Variants in TMEM151B observed in about 807,000 individuals in gnomAD.
The protein encoded by TMEM151B is transmembrane protein 193.
Under a neutral mutation model 33.0 loss-of-function variants are expected in TMEM151B, and 18 were observed. The ratio of observed to expected loss-of-function variants is 0.55; its 90% confidence interval spans 0.38 to 0.81. The LOEUF (loss-of-function observed/expected upper bound fraction) is 0.81. TMEM151B is among the 30% of genes least tolerant of loss of function. The pLI, the probability that TMEM151B is intolerant of heterozygous loss-of-function variation, is 0.00. For missense variants in TMEM151B, 672 were observed against 843.4 expected, an observed-to-expected ratio of 0.80 and a Z score of 2.52; for synonymous variants, 354 against 373.6, an observed-to-expected ratio of 0.95 and a Z score of 0.61.
In TMEM151B at chr6:44,273,179, CG is replaced by C. The variant is rs1782433201; in HGVS notation, c.250del (p.Val84SerfsTer4). The C allele has an allele frequency of 6.5e-7, 1 of 1,547,856 alleles. No homozygotes were observed. The highest frequency in any genetic ancestry group is 8.7e-7 in the Non-Finnish European group (1 of 1,144,196). On this transcript the variant is annotated frameshift_variant, in exon 2 of 3. Transcript: ENST00000451188. LOFTEE classifies it high-confidence loss of function. ...GCLGAVAWCH[V>X]TTVTRLTFSS... ...GCCTGGGGGCAGTGGCCTGGTGCCA[CG>C]TCACCACAGTGACGCGCCTCACCTT... is the stretch of plus-strand genomic sequence containing the variant.
At position 44,275,386 on chromosome 6, in the gene TMEM151B, T is replaced by G; in HGVS notation, c.577-17T>G. The G allele has an allele frequency of 6.8e-7, 1 of 1,481,046 alleles. No individual in the cohort carries two copies. The highest frequency in any genetic ancestry group is 1.4e-5 in the African/African-American group (1 of 71,296). 91.7% of individuals were successfully genotyped at this position (1,481,046 alleles called of 1,614,324 possible). ...ACGGGCTCCCCGCGACCCCGCCGCC[T>G]GCCCCCCGCGCCGCAGGTCTACCAC... On this transcript the variant is annotated splice_polypyrimidine_tract_variant and intron_variant, in intron 2 of 2. Coordinates refer to ENST00000451188, the MANE Select transcript of TMEM151B (RefSeq NM_001137560.2).
Position 44,275,666 on chromosome 6 carries a change from C to T in TMEM151B, c.840C>T (p.Phe280=), listed in dbSNP as rs1409762624. ...GCATGCACCTCAAGAACGTGGACTTCCGTGAGTTCATGGTGGCCTTCCCGG... is the reference window on the plus strand; with the variant it reads ...GCATGCACCTCAAGAACGTGGACTTTCGTGAGTTCATGGTGGCCTTCCCGG... ...REGMHLKNVD[F]REFMVAFPDP... The change falls in exon 3 of 3, where the codon TTC becomes TTT. Residue 280 remains phenylalanine, a synonymous_variant. Coordinates refer to ENST00000451188, the MANE Select transcript of TMEM151B (RefSeq NM_001137560.2). 7 of 1,551,214 alleles carry T rather than the reference C, an allele frequency of 4.5e-6. No individual in the cohort carries two copies. The highest frequency in any genetic ancestry group is 3.5e-6 in the Non-Finnish European group (4 of 1,146,740).
At position 44,273,459 on chromosome 6, in the gene TMEM151B, C is replaced by T. The variant is rs759541608; in HGVS notation, c.529C>T (p.Arg177Cys). 2.6e-6 allele frequency: 4 copies of T among 1,550,768 alleles called. No homozygotes were observed. The highest frequency in any genetic ancestry group is 2.4e-5 in the East Asian group (1 of 40,930). Reference protein sequence around the residue: ...AISYHYVRRTRQVTRYRNGDA... With the variant: ...AISYHYVRRTCQVTRYRNGDA... ...CAGCTACCACTATGTCCGCCGCACC[C>T]GCCAGGTCACCAGATACCGCAATGG... Residue 177 changes from arginine (R) to cysteine (C), a missense_variant, in exon 2 of 3, where the codon CGC becomes TGC. Arg to Cys is a radical substitution (Grantham distance 180). Around this residue, in one of 3 missense-constraint regions of TMEM151B, gnomAD observed 285 missense variants for 423.1 expected, o/e 0.67. Coordinates refer to ENST00000451188, the MANE Select transcript of TMEM151B (RefSeq NM_001137560.2).
Position 44,275,737 on chromosome 6 carries a change from C to T in TMEM151B, c.911C>T (p.Ala304Val), listed in dbSNP as rs1782557111. ...PWYACSSAFWAAALLTLSWPL... is the reference protein window; with the variant it reads ...PWYACSSAFWVAALLTLSWPL... ...TACGCCTGCTCGTCGGCCTTCTGGG[C>T]CGCGGCGCTGCTCACGCTGTCGTGG... The change falls in exon 3 of 3, where the codon GCC becomes GTC. Residue 304 changes from alanine to valine, a missense_variant. Physicochemically the swap from Ala to Val is moderately conservative, Grantham distance 64. This residue lies in a region of TMEM151B where 285 missense variants were observed against 423.1 expected (regional missense o/e 0.67). Transcript: ENST00000451188. 1.3e-6 allele frequency: 2 copies of T among 1,547,628 alleles called. No individual in the cohort carries two copies. Among genetic ancestry groups the T allele is most frequent in the South Asian group, 1.2e-5 (1 of 83,956 alleles).
chr6:44,274,032 T>C (rs1215302615), intron 2 of TMEM151B, among the ~76,000 whole-genome samples: 6 of 151,968 alleles, frequency 3.9e-5, no homozygotes, highest in Non-Finnish European at 7.4e-5. Flanking sequence ...GGCAGCAACA[T>C]AGTAAGACCC....
At chr6:44,274,228 G>A (rs1308942780) in intron 2 of TMEM151B, among the ~76,000 whole-genome samples, 1 of 152,190 alleles carries the variant, frequency 6.6e-6, no homozygotes, top group African/African-American at 2.4e-5. Context: ...GTGCTTAATG[G>A]CTGGAGATGG....
chr6:44,275,886 C>G lies in TMEM151B; in HGVS notation c.1060C>G (p.Leu354Val). Reference protein sequence around the residue: ...AGGGLSPSDELLPPLTHRLPR... With the variant: ...AGGGLSPSDEVLPPLTHRLPR... ...CGGTGGCCTCAGCCCCAGCGATGAG[C>G]TGCTGCCCCCGCTCACCCACCGCCT... The change falls in exon 3 of 3, where the codon CTG becomes GTG. Residue 354 changes from leucine (L) to valine (V), a missense_variant. Transcript: ENST00000451188. The G allele has an allele frequency of 6.5e-7, 1 of 1,535,498 alleles. No homozygotes were observed. The highest frequency in any genetic ancestry group is 8.8e-7 in the Non-Finnish European group (1 of 1,141,706).
rs889609687 is a variant in TMEM151B at position 44,276,625 on chromosome 6, C to T, written c.*98C>T. 1.6e-6 allele frequency: 2 copies of T among 1,285,254 alleles called. No individual in the cohort carries two copies. Among genetic ancestry groups the T allele is most frequent in the African/African-American group, 3.1e-5 (2 of 64,668 alleles). 79.6% of individuals were successfully genotyped at this position (1,285,254 alleles called of 1,614,324 possible). A position where few individuals can be genotyped will look rare whatever the true frequency, so the allele number is the denominator to read the frequency against. ...GGGCGAGTCACCACGGTGACTGAGG[C>T]CGCGCGGGGGGCAGGGAAAGGGAGG... On this transcript the variant is annotated 3_prime_UTR_variant, in exon 3 of 3. Coordinates refer to ENST00000451188, the MANE Select transcript of TMEM151B (RefSeq NM_001137560.2).
chr6:44,275,401 A>C lies in TMEM151B; in HGVS notation c.577-2A>C. 1 of 1,500,288 alleles carries C rather than the reference A, an allele frequency of 6.7e-7. No individual in the cohort carries two copies. The highest frequency in any genetic ancestry group is 8.9e-7 in the Non-Finnish European group (1 of 1,120,338). The allele number at this position is 1,500,288 out of a possible 1,614,324, so 92.9% of individuals were successfully genotyped here. A position where few individuals can be genotyped will look rare whatever the true frequency, so the allele number is the denominator to read the frequency against. On this transcript the variant is annotated splice_acceptor_variant, in intron 2 of 2. Transcript: ENST00000451188. LOFTEE classifies it high-confidence loss of function. ...CCCCGCCGCCTGCCCCCCGCGCCGC[A>C]GGTCTACCACGAACGCGTCAACACG...
In TMEM151B at chr6:44,275,586, G is replaced by A. The variant is rs1782551786; in HGVS notation, c.760G>A (p.Ala254Thr). 3 of 1,550,920 alleles carry A rather than the reference G, an allele frequency of 1.9e-6. No individual in the cohort carries two copies. The highest frequency in any genetic ancestry group is 2.0e-5 in the Admixed American group (1 of 50,984). Reference protein sequence around the residue: ...EAENAYLCQRARFFAENEGLD... With the variant: ...EAENAYLCQRTRFFAENEGLD... The stretch of plus-strand genomic sequence containing the variant: ...CGAGAACGCGTACCTGTGCCAGCGC[G>A]CGCGCTTCTTCGCAGAGAACGAGGG... Residue 254 changes from alanine to threonine, a missense_variant, in exon 3 of 3, where the codon GCG becomes ACG. Transcript: ENST00000451188.
intron 1 of TMEM151B, among the ~76,000 whole-genome samples, chr6:44,272,078 AG>A (rs1337941585): frequency 6.6e-6 from 1 of 152,118 alleles, no homozygotes; most frequent in Non-Finnish European, 1.5e-5. Flanking sequence ...AGGAGTACCC[AG>A]TGTAGTGGGG....
At chr6:44,271,969 T>A (rs1169028180) in intron 1 of TMEM151B, among the ~76,000 whole-genome samples, 1 of 151,704 alleles carries the variant, frequency 6.6e-6, no homozygotes, top group Non-Finnish European at 1.5e-5. Flanking sequence ...CAGAGGCCAC[T>A]ACAAGAAATT....
At chr6:44,275,247 A>G (rs959932024) in intron 2 of TMEM151B, among the ~76,000 whole-genome samples, 156 bp from the exon 3 acceptor site, 1 of 152,244 alleles carries the variant, frequency 6.6e-6, no homozygotes, top group African/African-American at 2.4e-5. Flanking sequence ...TCAGACGGAA[A>G]GATCCTAACC....
Position 44,275,131 on chromosome 6 carries a change from A to G in TMEM151B, c.577-272A>G, listed in dbSNP as rs201725681. On this transcript the variant is annotated intron_variant, in intron 2 of 2. Coordinates refer to ENST00000451188, the MANE Select transcript of TMEM151B (RefSeq NM_001137560.2). ...AGACTCCATCTCAAAAAAAAAAAAA[A>G]AAAAAGAAAAAGAAAAAGAAAAAAA... 2.7e-4 allele frequency among the ~76,000 whole-genome samples: 39 copies of G among 142,430 alleles called. No individual in the cohort carries two copies. In the East Asian group the frequency reaches 5.2e-3, roughly 19 times the overall value. 93.4% of individuals were successfully genotyped at this position (142,430 alleles called of 152,430 possible).
chr6:44,278,557 A>G lies in TMEM151B; in HGVS notation c.*2030A>G, dbSNP rs934935428. On this transcript the variant is annotated 3_prime_UTR_variant, in exon 3 of 3. Transcript: ENST00000451188. Reference sequence around the variant, plus strand: ...ACAGCCTGGCCACCTCAGGGCTCCAAGGAAGGAGGAACGTGGCTCCTCCTC... The same window carrying G: ...ACAGCCTGGCCACCTCAGGGCTCCAGGGAAGGAGGAACGTGGCTCCTCCTC... 6 of 152,212 alleles carry G rather than the reference A, an allele frequency of 3.9e-5. No homozygotes were observed. The highest frequency in any genetic ancestry group is 7.3e-5 in the Non-Finnish European group (5 of 68,046). The allele number at this position is 152,212 out of a possible 1,614,324, so 9.4% of individuals were successfully genotyped here. A position where few individuals can be genotyped will look rare whatever the true frequency, so the allele number is the denominator to read the frequency against.
At chr6:44,273,658 A>G (rs1561917427) in intron 2 of TMEM151B, among the ~76,000 whole-genome samples, 152 bp downstream of exon 2, 1 of 152,268 alleles carries the variant, frequency 6.6e-6, no homozygotes, top group Non-Finnish European at 1.5e-5. Context: ...GGCAATAGCA[A>G]CAACCATAAT....
At position 44,273,156 on chromosome 6, in the gene TMEM151B, C is replaced by G; in HGVS notation, c.226C>G (p.Leu76Val). 2 of 1,545,204 alleles carry G rather than the reference C, an allele frequency of 1.3e-6. No homozygotes were observed. Among genetic ancestry groups the G allele is most frequent in the African/African-American group, 1.4e-5 (1 of 73,090 alleles). ...GCTCTCGCTGCTCATGTACGGCTGC[C>G]TGGGGGCAGTGGCCTGGTGCCACGT... ...LLLSLLMYGC[L>V]GAVAWCHVTT... Residue 76 changes from leucine to valine, a missense_variant, in exon 2 of 3, where the codon CTG (leucine) becomes GTG (valine). By Grantham distance (32) the Leu-to-Val change is conservative. Around this residue, in one of 3 missense-constraint regions of TMEM151B, gnomAD observed 285 missense variants for 423.1 expected, o/e 0.67. Coordinates refer to ENST00000451188, the MANE Select transcript of TMEM151B (RefSeq NM_001137560.2).
chr6:44,272,979 C>T, intron 1 of TMEM151B, 87 bp from the exon 2 acceptor site: 1 of 1,187,390 alleles, frequency 8.4e-7, no homozygotes, highest in South Asian at 1.6e-5. Context: ...GCCTCTGCCC[C>T]TCCATCCCCG....
chr6:44,273,849 G>T (rs1782462840), intron 2 of TMEM151B, among the ~76,000 whole-genome samples: 1 of 152,220 alleles, frequency 6.6e-6, no homozygotes, highest in Admixed American at 6.5e-5. Flanking sequence ...GCAGTATGTG[G>T]TGGAGATGAG....
Sources: allele counts gnomAD v4.1 joint callset (sites outside exome capture counted in the v4.1 genomes callset), GRCh38; gene constraint gnomAD v4.1.1; regional missense constraint gnomAD v4.1.1; transcripts MANE v1.5; gene names NCBI Gene and HGNC (gene_info 2026-07-23, HGNC 2026-07-21).